Variants in SORBS2 observed in about 807,000 individuals in gnomAD.
SORBS2 encodes the protein sorbin and SH3 domain-containing protein 2.
A neutral mutation model predicts 97.7 loss-of-function variants in SORBS2; 46 were observed. The ratio of observed to expected loss-of-function variants is 0.47; its 90% CI spans 0.37 to 0.60. The LOEUF is 0.60. SORBS2 is among the 20% of genes least tolerant of loss of function. The pLI, the probability that SORBS2 is intolerant of heterozygous loss-of-function variation, is 0.00. For synonymous variants in SORBS2, 476 were observed against 473.4 expected (o/e 1.01, Z -0.07); for missense variants, 1,316 against 1,282.3 (o/e 1.03, Z -0.40).
chr4:185,893,738 C>T (rs1179380644), intron 1 of SORBS2, among the ~76,000 whole-genome samples: 1 of 152,040 alleles, frequency 6.6e-6, no homozygotes, highest in Non-Finnish European at 1.5e-5. Flanking sequence ...CTAGGGGTTC[C>T]CCGGGGGAGG....
rs2096748520 is a variant in SORBS2, at chr4:185,623,287, T to A, written c.1842A>T (p.Lys614Asn). 1 of 1,614,012 alleles carries A rather than the reference T, an allele frequency of 6.2e-7. No individual in the cohort carries two copies. Among genetic ancestry groups the A allele is most frequent in the African/African-American group, 1.3e-5 (1 of 74,898 alleles). ...CAGTCTGTTTCTTAGGAGCCGAATT[T>A]TTTTTCCTCCGGAAAGGCACAGGAC... Residue 614 changes from lysine (K) to asparagine (N), a missense_variant, in exon 7 of 15, where the codon AAA (lysine) becomes AAT (asparagine). Transcript: ENST00000418609. The surrounding 1 kb of genome is among the most constrained non-coding windows in gnomAD (Gnocchi z 6.4).
intron 4 of SORBS2, among the ~76,000 whole-genome samples, chr4:185,634,792 G>C (rs2096966793): frequency 6.6e-6 from 1 of 152,134 alleles, no homozygotes; most frequent in African/African-American, 2.4e-5. Context: ...TTACAGTGTT[G>C]AAAAGGAGTA....
chr4:185,820,137 C>T (rs1002807968), intron 1 of SORBS2, among the ~76,000 whole-genome samples: 2 of 152,090 alleles, frequency 1.3e-5, no homozygotes, highest in Non-Finnish European at 2.9e-5. Context: ...ATCAGCTGGA[C>T]GTGGACCAGA....
intron 2 of SORBS2, among the ~76,000 whole-genome samples, chr4:185,738,397 C>T (rs973493338): frequency 1.3e-5 from 2 of 152,132 alleles, no homozygotes; most frequent in African/African-American, 2.4e-5. Flanking sequence ...TTCATAAAGC[C>T]GATCCCAGCC....
intron 1 of SORBS2, among the ~76,000 whole-genome samples, chr4:185,789,683 T>A (rs1198468724): frequency 6.6e-6 from 1 of 152,072 alleles, no homozygotes; most frequent in African/African-American, 2.4e-5. Flanking sequence ...GTCCTCAGAA[T>A]ATACCATTTT....
chr4:185,780,924 ATTTATTTATT>A (rs1473994611), intron 1 of SORBS2, among the ~76,000 whole-genome samples: 1 of 152,154 alleles, frequency 6.6e-6, no homozygotes, highest in Admixed American at 6.5e-5. Context: ...ACTTTGTTTC[ATTTATTTATT>A]TTTATTTATT....
exon 15 of SORBS2, chr4:185,587,238 G>T: frequency 5.0e-6 from 1 of 201,936 alleles, no homozygotes; most frequent in Non-Finnish European, 9.9e-6. Context: ...GTCGTCTTGG[G>T]GGAGAACATC....
At chr4:185,692,423 T>C (rs951789262) in intron 2 of SORBS2, among the ~76,000 whole-genome samples, 9 of 152,256 alleles carry the variant, frequency 5.9e-5, no homozygotes, top group African/African-American at 1.9e-4. Flanking sequence ...AAAGATTTTT[T>C]AGTCTCTAAA....
intron 1 of SORBS2, among the ~76,000 whole-genome samples, chr4:185,827,390 T>C (rs374879206): frequency 0.022 from 97 of 4,474 alleles, 1 homozygote; most frequent in Non-Finnish European, 0.032. Flanking sequence ...ATCATCATCA[T>C]CATCATCATC....
chr4:185,715,852 T>C (rs761710950), intron 2 of SORBS2, among the ~76,000 whole-genome samples: 94 of 152,344 alleles, frequency 6.2e-4, no homozygotes, highest in Non-Finnish European at 1.2e-3. Context: ...AAATCTTAAG[T>C]GCTTAATAAA....
At chr4:185,660,151 C>A (rs1009351991), upstream of SORBS2, among the ~76,000 whole-genome samples, 3 of 152,122 alleles carry the variant, frequency 2.0e-5, no homozygotes, top group East Asian at 1.9e-4. Context: ...TATGTAAAAT[C>A]TACTTATCAA....
chr4:185,954,038 C>G (rs2099278463), intron 1 of SORBS2, among the ~76,000 whole-genome samples: 1 of 152,212 alleles, frequency 6.6e-6, no homozygotes, highest in African/African-American at 2.4e-5. Context: ...TTGATGCTAA[C>G]TTTATTTTTA....
At chr4:185,792,186 A>G (rs1462303838) in intron 1 of SORBS2, among the ~76,000 whole-genome samples, 1 of 152,214 alleles carries the variant, frequency 6.6e-6, no homozygotes, top group Non-Finnish European at 1.5e-5. Context: ...TGAAATTTTC[A>G]TAACGTTAAG....
At chr4:185,691,684 T>C (rs1037235314) in intron 2 of SORBS2, among the ~76,000 whole-genome samples, 1 of 152,220 alleles carries the variant, frequency 6.6e-6, no homozygotes, top group East Asian at 1.9e-4. Flanking sequence ...CAGTGAAATG[T>C]TGGATGCAAA....
Position 185,876,473 on chromosome 4 carries a change from C to T in SORBS2, c.-338+79723G>A, listed in dbSNP as rs114915996. On this transcript the variant is annotated intron_variant, in intron 1 of 20. Coordinates refer to the SORBS2 transcript ENST00000284776. ...TGCCTCACCCCCAAAATGGGATTTACTAATGTATACTTCCACCAAGACTGG... is the reference window on the plus strand; with the variant it reads ...TGCCTCACCCCCAAAATGGGATTTATTAATGTATACTTCCACCAAGACTGG... 7.5e-3 allele frequency among the ~76,000 whole-genome samples: 1,140 copies of T among 152,290 alleles called. 15 individuals are homozygous for T. The highest frequency in any genetic ancestry group is 0.026 in the African/African-American group (1,098 of 41,540).
rs192713180 is a variant in SORBS2, at chr4:185,665,948, G to A, written c.-45-3706C>T. On this transcript the variant is annotated intron_variant, in intron 4 of 20. Transcript: ENST00000284776. ...GAGCCTGTGTCGTGGCTGTGGATGAGGCTTTCTGGAGCTGGGAGCAGGTGT... is the reference window on the plus strand; with the variant it reads ...GAGCCTGTGTCGTGGCTGTGGATGAAGCTTTCTGGAGCTGGGAGCAGGTGT... 4.4e-4 allele frequency: 540 copies of A among 1,240,240 alleles called. 6 individuals carry two copies. In the East Asian group the frequency reaches 0.024, roughly 55 times the overall value. 76.8% of individuals were successfully genotyped at this position (1,240,240 alleles called of 1,614,324 possible).
intron 2 of SORBS2, among the ~76,000 whole-genome samples, chr4:185,692,802 G>GCA (rs1342601348): frequency 2.0e-5 from 2 of 99,510 alleles, no homozygotes; most frequent in African/African-American, 3.8e-5. Context: ...ATGTATATGT[G>GCA]CACACATACA....
chr4:185,942,762 T>C lies in SORBS2; in HGVS notation c.-338+13434A>G, dbSNP rs577639864. Among the ~76,000 whole-genome samples the C allele has an allele frequency of 4.6e-5, 7 of 152,358 alleles. No homozygotes were observed. In the East Asian group the frequency reaches 1.4e-3, roughly 29 times the overall value. ...CACCCCAAAATCAGAACTATGGTTC[T>C]TGCCTTTAAGGAGTTTACAATGTAG... On this transcript the variant is annotated intron_variant, in intron 1 of 20. Coordinates refer to the SORBS2 transcript ENST00000284776.
At chr4:185,677,234 G>A in intron 4 of SORBS2, 2 of 1,551,730 alleles carry the variant, frequency 1.3e-6, no homozygotes, top group South Asian at 2.4e-5. Context: ...CAGATTTGGA[G>A]AACTGTGGAG....
Sources: allele counts gnomAD v4.1 joint callset (sites outside exome capture counted in the v4.1 genomes callset), GRCh38; gene constraint gnomAD v4.1.1; non-coding constraint Gnocchi (gnomAD v3.1); transcripts MANE v1.5; gene names NCBI Gene and HGNC (gene_info 2026-07-23, HGNC 2026-07-21).